The following SLC22A8 variants were observed in gnomAD, a reference collection of about 807,000 sequenced individuals.
SLC22A8 encodes the protein organic anion transporter 3.
Under a neutral mutation model 48.4 loss-of-function variants are expected in SLC22A8, and 40 were observed. That is an observed-to-expected ratio of 0.83 (90% CI 0.64 to 1.08). The LOEUF (loss-of-function observed/expected upper bound fraction) is 1.08, where lower values mean the gene tolerates loss of function less well. Among genes scored for constraint, SLC22A8 ranks in the 50% least tolerant of loss-of-function variants. The pLI is 0.00. For missense variants in SLC22A8, 606 were observed against 699.0 expected (o/e 0.87, Z 1.50); for synonymous variants, 268 against 286.3 (o/e 0.94, Z 0.65).
intron 3 of SLC22A8, 71 bp from the exon 4 acceptor site, chr11:62,999,913 T>C (rs2086471426): frequency 3.0e-6 from 4 of 1,332,988 alleles, no homozygotes; most frequent in Non-Finnish European, 3.9e-6. Flanking sequence ...CTCTGCATGC[T>C]GTGGGGCAAA....
Position 62,998,975 on chromosome 11 carries a change from C to T in SLC22A8, c.707G>A (p.Arg236His), listed in dbSNP as rs766815759. The change falls in exon 5 of 11, where the codon CGT becomes CAT. Residue 236 changes from arginine (R) to histidine (H), a missense_variant. Physicochemically the swap from Arg to His is conservative, Grantham distance 29. Transcript: ENST00000336232. ...PGLAYAIPQW[R>H]WLQLTVSIPF... ...AATGGACACAGTTAACTGCAGCCAA[C>T]GCCACTGGGGGATGGCGTAGGCCAG... 41 of 1,613,970 alleles carry T rather than the reference C, an allele frequency of 2.5e-5. No homozygotes were observed. The highest frequency in any genetic ancestry group is 3.3e-5 in the Non-Finnish European group (39 of 1,179,818).
At position 62,997,377 on chromosome 11, in the gene SLC22A8, A is replaced by G. The variant is rs992316408; in HGVS notation, c.762-1225T>C. ...GTAGCTGGGATTACAGGCACGCATC[A>G]CCACACCCGGCTAATTTTTTGTGTT... On this transcript the variant is annotated intron_variant, in intron 5 of 10. Transcript: ENST00000336232. 4.6e-5 allele frequency among the ~76,000 whole-genome samples: 7 copies of G among 152,036 alleles called. No homozygotes were observed. In the South Asian group the frequency reaches 1.2e-3, roughly 27 times the overall value.
chr11:62,997,840 C>T (rs900980270), intron 5 of SLC22A8, among the ~76,000 whole-genome samples: 2 of 152,208 alleles, frequency 1.3e-5, no homozygotes, highest in Admixed American at 6.5e-5. Flanking sequence ...TCAGAGACGA[C>T]GTAGGTTGAT....
At chr11:62,999,664 G>A (rs554190400) in intron 4 of SLC22A8, 24 bp downstream of exon 4, 5 of 1,490,616 alleles carry the variant, frequency 3.4e-6, no homozygotes, top group Middle Eastern at 1.8e-4. Flanking sequence ...CCAAAGCCCA[G>A]CTCCATGCCC....
At chr11:63,004,179 C>T (rs2086529590) in intron 2 of SLC22A8, among the ~76,000 whole-genome samples, 1 of 152,178 alleles carries the variant, frequency 6.6e-6, no homozygotes, top group Admixed American at 6.5e-5. Context: ...TACCATGATA[C>T]TTGTGATCAT....
chr11:63,008,311 GA>G (rs1446931613), intron 2 of SLC22A8, among the ~76,000 whole-genome samples: 1 of 152,224 alleles, frequency 6.6e-6, no homozygotes, highest in African/African-American at 2.4e-5. Context: ...GCTGAACCAG[GA>G]AACAGCCTGC....
rs749198320 is a variant in SLC22A8, at chr11:62,996,075, G to A, written c.839C>T (p.Ala280Val). ...CTCTTCCTTCTTGCCATTGAAGACAGCCACCCGCCGGAGTATCTTCAGGGC... is the reference window on the plus strand; with the variant it reads ...CTCTTCCTTCTTGCCATTGAAGACAACCACCCGCCGGAGTATCTTCAGGGC... ...SKALKILRRVAVFNGKKEEGE... is the reference protein window; with the variant it reads ...SKALKILRRVVVFNGKKEEGE... The change falls in exon 6 of 11, where the codon GCT becomes GTT. Residue 280 changes from alanine (A) to valine (V), a missense_variant. Transcript: ENST00000336232. The A allele has an allele frequency of 8.1e-6, 13 of 1,613,948 alleles. No individual in the cohort carries two copies. The highest frequency in any genetic ancestry group is 1.0e-5 in the Non-Finnish European group (12 of 1,179,988).
At position 62,995,693 on chromosome 11, in the gene SLC22A8, AG is replaced by A. The variant is rs1169286238; in HGVS notation, c.1001+10del. Reference sequence around the variant, plus strand: ...TCCTTGGCAGGGTGTGGGCAGGGAGAGGGGGGTTACCAGGCCAGGGAAAGAC... The same window carrying A: ...TCCTTGGCAGGGTGTGGGCAGGGAGAGGGGGTTACCAGGCCAGGGAAAGAC... On this transcript the variant is annotated intron_variant, in intron 7 of 10. Transcript: ENST00000336232. 1.9e-5 allele frequency: 31 copies of A among 1,599,474 alleles called. No individual in the cohort carries two copies. The highest frequency in any genetic ancestry group is 2.2e-5 in the Non-Finnish European group (26 of 1,167,050).
intron 7 of SLC22A8, chr11:62,995,062 A>C: frequency 2.2e-6 from 1 of 446,978 alleles, no homozygotes; most frequent in Non-Finnish European, 4.2e-6. Flanking sequence ...GAGGCAGTAA[A>C]TGATCTCTCC....
rs2086481667 is a variant in SLC22A8 at position 63,000,616 on chromosome 11, C to T, written c.437+104G>A. ...GGCCACACAGCAAGAGCCATCCCAC[C>T]CTCCCCCAGCTCTTTGCCTCTTTGC... is the stretch of plus-strand genomic sequence containing the variant. On this transcript the variant is annotated intron_variant, in intron 3 of 10. Transcript: ENST00000336232. The T allele has an allele frequency of 5.2e-6, 4 of 773,022 alleles. No homozygotes were observed. In the East Asian group the frequency reaches 1.1e-4, roughly 21 times the overall value. The allele number at this position is 773,022 out of a possible 1,614,324, so 47.9% of individuals were successfully genotyped here.
chr11:63,008,068 CT>C (rs2086576111), intron 2 of SLC22A8, among the ~76,000 whole-genome samples: 1 of 152,236 alleles, frequency 6.6e-6, no homozygotes, highest in East Asian at 1.9e-4. Context: ...CTGTGAGCCA[CT>C]GTAAGACAGC....
intron 5 of SLC22A8, among the ~76,000 whole-genome samples, chr11:62,997,741 G>A (rs1470508145): frequency 3.3e-5 from 5 of 152,150 alleles, no homozygotes; most frequent in Admixed American, 6.6e-5. Flanking sequence ...GTGTAACTTT[G>A]AGGAACTGCT....
chr11:62,999,293 C>T (rs146022361), intron 4 of SLC22A8: 1 of 553,422 alleles, frequency 1.8e-6, no homozygotes, highest in African/African-American at 1.9e-5. Flanking sequence ...ACAGCTGAGG[C>T]TCAAGGCGAT....
intron 2 of SLC22A8, among the ~76,000 whole-genome samples, chr11:63,007,610 A>G (rs1385916273): frequency 6.6e-6 from 1 of 152,206 alleles, no homozygotes; most frequent in African/African-American, 2.4e-5. Context: ...TACAGGCATA[A>G]GCCACTGCGC....
At chr11:63,014,587 A>G in intron 2 of SLC22A8, 39 bp downstream of exon 2, 2 of 1,511,102 alleles carry the variant, frequency 1.3e-6, no homozygotes, top group Non-Finnish European at 1.8e-6. Flanking sequence ...GTATGGGGGT[A>G]CGTGGGTAAG....
chr11:62,998,433 A>G (rs183440668), intron 5 of SLC22A8, among the ~76,000 whole-genome samples: 135 of 152,108 alleles, frequency 8.9e-4, no homozygotes, highest in Middle Eastern at 6.8e-3. Flanking sequence ...GCAGTCCCCA[A>G]TTCTCCAGAT....
At position 62,993,591 on chromosome 11, in the gene SLC22A8, G is replaced by T; in HGVS notation, c.1362C>A (p.Arg454=). Residue 454 remains arginine, a synonymous_variant, in exon 10 of 11, where the codon CGC becomes CGA. Coordinates refer to ENST00000336232, the MANE Select transcript of SLC22A8 (RefSeq NM_004254.4). The part of the protein sequence containing the change: ...TGMGVSNLWT[R]VGSMVSPLVK... ...CCAGCGGGGACACCATGCTTCCCACGCGGGTCCACAGGTTACTTACGCCCA... is the reference window on the plus strand; with the variant it reads ...CCAGCGGGGACACCATGCTTCCCACTCGGGTCCACAGGTTACTTACGCCCA... 6.2e-7 allele frequency: 1 copy of T among 1,612,932 alleles called. No individual in the cohort carries two copies. Among genetic ancestry groups the T allele is most frequent in the Non-Finnish European group, 8.5e-7 (1 of 1,179,050 alleles).
At chr11:63,004,994 G>A (rs1285238173) in intron 2 of SLC22A8, among the ~76,000 whole-genome samples, 2 of 152,182 alleles carry the variant, frequency 1.3e-5, no homozygotes, top group Non-Finnish European at 2.9e-5. Context: ...ATAACCACAC[G>A]CCAGTGAGCA....
chr11:62,999,177 G>A (rs1012775036), intron 4 of SLC22A8, 88 bp from the exon 5 acceptor site: 15 of 1,165,280 alleles, frequency 1.3e-5, no homozygotes, highest in African/African-American at 3.0e-5. Flanking sequence ...GCATCCCCAC[G>A]GCTACTGACA....
Sources: allele counts gnomAD v4.1 joint callset (sites outside exome capture counted in the v4.1 genomes callset), GRCh38; gene constraint gnomAD v4.1.1; transcripts MANE v1.5; gene names NCBI Gene and HGNC (gene_info 2026-07-23, HGNC 2026-07-21).